The following NPHP1 variants were observed in gnomAD, a reference collection of about 807,000 sequenced individuals.
NPHP1 encodes nephrocystin-1.
NPHP1 carries 70 observed loss-of-function variants against 90.4 expected under a neutral mutation model. The ratio of observed to expected loss-of-function variants is 0.77; its 90% CI spans 0.64 to 0.95. The LOEUF is 0.95. Ranked by LOEUF, NPHP1 falls within the 40% of genes least tolerant of loss-of-function variation. The pLI is 0.00. For synonymous variants in NPHP1, 256 were observed against 271.7 expected (o/e 0.94, Z 0.57); for missense variants, 764 against 795.9 (o/e 0.96, Z 0.48).
At chr2:110,179,777 G>T in intron 2 of NPHP1, 93 bp from the exon 3 acceptor site, 1 of 638,618 alleles carries the variant, frequency 1.6e-6, no homozygotes, top group Non-Finnish European at 2.8e-6. Flanking sequence ...GAGCAGGCAA[G>T]GCAATTAGCC....
chr2:110,141,222 T>C lies in NPHP1; in HGVS notation c.1529+2320A>G, dbSNP rs532877109. Among the ~76,000 whole-genome samples, 9 of 152,338 alleles carry C rather than the reference T, an allele frequency of 5.9e-5. No individual in the cohort carries two copies. In the South Asian group the frequency reaches 1.0e-3, roughly 18 times the overall value. Reference sequence around the variant, plus strand: ...ACAAATTTTATGATATAGCACCATCTACCTGGCTTTATGTTTACATTTATC... The same window carrying C: ...ACAAATTTTATGATATAGCACCATCCACCTGGCTTTATGTTTACATTTATC... On this transcript the variant is annotated intron_variant, in intron 16 of 19. Transcript: ENST00000445609.
chr2:110,195,473 A>T (rs1685097467), intron 2 of NPHP1, among the ~76,000 whole-genome samples: 1 of 152,116 alleles, frequency 6.6e-6, no homozygotes, highest in Non-Finnish European at 1.5e-5. Flanking sequence ...CTTCAAGGAG[A>T]ACTACAAACC....
At chr2:110,134,781 C>A (rs1296297525) in intron 16 of NPHP1, among the ~76,000 whole-genome samples, 1 of 151,904 alleles carries the variant, frequency 6.6e-6, no homozygotes, top group Non-Finnish European at 1.5e-5. Context: ...AAATTTGACA[C>A]CCTTTCATGA....
chr2:110,137,104 G>A (rs1574071588), intron 16 of NPHP1, among the ~76,000 whole-genome samples: 1 of 152,068 alleles, frequency 6.6e-6, no homozygotes, highest in Non-Finnish European at 1.5e-5. Context: ...ATGGTGCTGG[G>A]AAAACTGGCT....
rs1260473930 is a variant in NPHP1, at chr2:110,125,647, C to A, written c.1751G>T (p.Arg584Ile). The change falls in exon 19 of 20, where the codon AGA becomes ATA. Residue 584 changes from arginine (R) to isoleucine (I), a missense_variant. Transcript: ENST00000445609. ...SWAGKESTLK[R>I]SEKRDKEFLK... ...AGACTCATATTTTACCTTCTCTGAT[C>A]TTTTTAATGTGCTTTCTTTTCCAGC... The A allele has an allele frequency of 3.1e-6, 5 of 1,613,238 alleles. No individual in the cohort carries two copies. Among genetic ancestry groups the A allele is most frequent in the Non-Finnish European group, 4.2e-6 (5 of 1,179,368 alleles).
At chr2:110,138,809 C>T (rs952143229) in intron 16 of NPHP1, among the ~76,000 whole-genome samples, 2 of 152,122 alleles carry the variant, frequency 1.3e-5, no homozygotes, top group South Asian at 4.1e-4. Context: ...GCTTGGCCCT[C>T]TCCTTTTCTC....
At chr2:110,130,903 T>C (rs1267604314) in intron 17 of NPHP1, among the ~76,000 whole-genome samples, 2 of 152,168 alleles carry the variant, frequency 1.3e-5, no homozygotes, top group African/African-American at 2.4e-5. Flanking sequence ...ACAGCACTTA[T>C]TTCAAAAGGG....
rs376508007 is a variant in NPHP1, at chr2:110,169,372, T to G, written c.522+434A>C. ...CACAACTTTAAAAATCACAACTTTA[T>G]TGTTCTGTCCCACCTGCCACTTATT... is the stretch of plus-strand genomic sequence containing the variant. On this transcript the variant is annotated intron_variant, in intron 5 of 19. Coordinates refer to ENST00000445609, the MANE Select transcript of NPHP1 (RefSeq NM_001128178.3). Among the ~76,000 whole-genome samples the G allele has an allele frequency of 2.4e-4, 36 of 152,228 alleles. No homozygotes were observed. In the East Asian group the frequency reaches 6.2e-3, roughly 26 times the overall value.
At chr2:110,172,185 G>A (rs1248495726) in intron 4 of NPHP1, among the ~76,000 whole-genome samples, 3 of 152,010 alleles carry the variant, frequency 2.0e-5, no homozygotes, top group Admixed American at 2.0e-4. Flanking sequence ...ATTCACACAA[G>A]TTGTTCATAG....
rs3752863 is a variant in NPHP1 at position 110,144,685 on chromosome 2, G to A, written c.1353-116C>T. ...TACTCAGACATTTCATTTATGCCTCGTTGGTAAATGAAAAGAATAATTGTT... is the reference window on the plus strand; with the variant it reads ...TACTCAGACATTTCATTTATGCCTCATTGGTAAATGAAAAGAATAATTGTT... On this transcript the variant is annotated intron_variant, in intron 14 of 19. Coordinates refer to ENST00000445609, the MANE Select transcript of NPHP1 (RefSeq NM_001128178.3). 0.34 allele frequency: 242,536 copies of A among 705,574 alleles called. 44,979 individuals carry two copies. Among genetic ancestry groups the A allele is most frequent in the East Asian group, 0.59 (21,805 of 36,946 alleles). The allele number at this position is 705,574 out of a possible 1,614,324, so 43.7% of individuals were successfully genotyped here.
intron 4 of NPHP1, 86 bp from the exon 5 acceptor site, chr2:110,170,084 A>G (rs1357943607): frequency 1.3e-6 from 2 of 1,502,458 alleles, no homozygotes; most frequent in African/African-American, 2.8e-5. Flanking sequence ...ATATACATGA[A>G]TATCCCATAT....
chr2:110,196,135 A>C (rs1685147453), intron 2 of NPHP1, among the ~76,000 whole-genome samples: 1 of 152,068 alleles, frequency 6.6e-6, no homozygotes, highest in African/African-American at 2.4e-5. Context: ...AATGGCAACA[A>C]AAGCCAAAAT....
At chr2:110,188,581 C>G (rs1684455083) in intron 2 of NPHP1, among the ~76,000 whole-genome samples, 1 of 152,102 alleles carries the variant, frequency 6.6e-6, no homozygotes, top group African/African-American at 2.4e-5. Flanking sequence ...AATGGACATA[C>G]TGCCCCAAAT....
rs146637942 is a variant in NPHP1, at chr2:110,202,440, C to T, written c.70-946G>A. ...TGTTGATTACTTGTCCTACAGACAC[C>T]GAATAGAAAATCTGTTCCATATTCA... is the stretch of plus-strand genomic sequence containing the variant. On this transcript the variant is annotated intron_variant, in intron 1 of 19. Coordinates refer to ENST00000445609, the MANE Select transcript of NPHP1 (RefSeq NM_001128178.3). The T allele has an allele frequency of 1.1e-3, 478 of 455,080 alleles. 3 individuals are homozygous for T. The highest frequency in any genetic ancestry group is 5.9e-3 in the African/African-American group (297 of 50,146). The allele number at this position is 455,080 out of a possible 1,614,324, so 28.2% of individuals were successfully genotyped here. A position where few individuals can be genotyped will look rare whatever the true frequency, so the allele number is the denominator to read the frequency against.
At chr2:110,190,776 G>C (rs1038629122) in intron 2 of NPHP1, among the ~76,000 whole-genome samples, 6 of 152,150 alleles carry the variant, frequency 3.9e-5, no homozygotes, top group Admixed American at 3.9e-4. Flanking sequence ...AGAATGAACA[G>C]ACAACCTACA....
chr2:110,184,609 T>C, intron 2 of NPHP1: 1 of 1,089,640 alleles, frequency 9.2e-7, no homozygotes, highest in Non-Finnish European at 1.4e-6. Context: ...CGAATTGACA[T>C]CGCAAGCTGG....
chr2:110,173,112 C>T (rs1314507614), intron 4 of NPHP1, among the ~76,000 whole-genome samples: 7 of 151,868 alleles, frequency 4.6e-5, no homozygotes, highest in African/African-American at 1.7e-4. Context: ...GCATGCACCA[C>T]CATGCCCAGC....
At chr2:110,203,899 G>A (rs1016439229) in intron 1 of NPHP1, among the ~76,000 whole-genome samples, 3 of 151,502 alleles carry the variant, frequency 2.0e-5, no homozygotes, top group Non-Finnish European at 4.4e-5. Context: ...CTCCCAAGTA[G>A]CTGGTACTAC....
rs183442271 is a variant in NPHP1, at chr2:110,154,561, G to C, written c.1084-4305C>G. Among the ~76,000 whole-genome samples, 36 of 152,274 alleles carry C rather than the reference G, an allele frequency of 2.4e-4. 1 individual carries two copies. The highest frequency in any genetic ancestry group is 1.6e-3 in the Admixed American group (25 of 15,298). ...TGGCTTTTTGACAAAAATGCTGATAGTGATATGAACAATAAGGTCCAGGCT... is the reference window on the plus strand; with the variant it reads ...TGGCTTTTTGACAAAAATGCTGATACTGATATGAACAATAAGGTCCAGGCT... On this transcript the variant is annotated intron_variant, in intron 11 of 19. Transcript: ENST00000445609.
Sources: gnomAD v4.1 joint callset for allele counts (sites outside exome capture counted in the v4.1 genomes callset) on GRCh38, gnomAD v4.1.1 for gene constraint, MANE v1.5 for transcripts, NCBI Gene and HGNC (gene_info 2026-07-23, HGNC 2026-07-21) for gene names.